TRIO: variants seen among roughly 807,000 people sequenced by gnomAD.
The protein encoded by TRIO is triple functional domain protein.
In TRIO, 58 loss-of-function variants were observed where a neutral mutation model predicts 351.9. That is an observed-to-expected ratio of 0.16 (90% CI 0.13 to 0.21). The LOEUF (loss-of-function observed/expected upper bound fraction) is 0.21. TRIO is among the 10% of genes least tolerant of loss of function. The probability of loss-of-function intolerance (pLI) is 1.00; values close to 1 mark genes in which losing one functional copy is unlikely to be tolerated. For synonymous variants in TRIO, 1,758 were observed against 1,595.7 expected, an observed-to-expected ratio of 1.10 and a Z score of -2.42; for missense variants, 3,201 against 4,027.8, an observed-to-expected ratio of 0.79 and a Z score of 5.56.
In TRIO at chr5:14,476,875, T is replaced by C. The variant is rs1579768758; in HGVS notation, c.6084-19T>C. ...GGCCACACTGGAAATAGTTCTAATA[T>C]TTTCTCCTTTCTTTCCAGCTTTTTT... On this transcript the variant is annotated intron_variant, in intron 40 of 56. Coordinates refer to ENST00000344204, the MANE Select transcript of TRIO (RefSeq NM_007118.4). 3 of 1,605,792 alleles carry C rather than the reference T, an allele frequency of 1.9e-6. No homozygotes were observed. Among genetic ancestry groups the C allele is most frequent in the East Asian group, 4.5e-5 (2 of 44,834 alleles).
intron 1 of TRIO, among the ~76,000 whole-genome samples, chr5:14,243,601 T>TA (rs939921628): frequency 3.3e-5 from 5 of 151,474 alleles, no homozygotes; most frequent in Non-Finnish European, 7.4e-5. Context: ...TATTCTGGAC[T>TA]AAAAAAAAAT....
chr5:14,394,691 G>A (rs1245466113), intron 28 of TRIO, among the ~76,000 whole-genome samples: 1 of 152,186 alleles, frequency 6.6e-6, no homozygotes, highest in Admixed American at 6.5e-5. Context: ...TGTCCATACA[G>A]ACCGCAAGTA....
chr5:14,183,816 T>C lies in TRIO; in HGVS notation c.157+39934T>C, dbSNP rs1581297790. Reference sequence around the variant, plus strand: ...ACTGCCCATTTGGGATATCTAGAGGTTGTTTGTTGGTGTTCTGGGATCCTG... The same window carrying C: ...ACTGCCCATTTGGGATATCTAGAGGCTGTTTGTTGGTGTTCTGGGATCCTG... On this transcript the variant is annotated intron_variant, in intron 1 of 56. Coordinates refer to ENST00000344204, the MANE Select transcript of TRIO (RefSeq NM_007118.4). The C allele has an allele frequency of 9.6e-6, 6 of 625,600 alleles. No individual in the cohort carries two copies. The East Asian group carries it at 1.8e-4, about 19-fold the overall frequency. The allele number at this position is 625,600 out of a possible 1,614,324, so 38.8% of individuals were successfully genotyped here. A position where few individuals can be genotyped will look rare whatever the true frequency, so the allele number is the denominator to read the frequency against.
At chr5:14,165,384 GTTAA>G (rs1197789528) in intron 1 of TRIO, among the ~76,000 whole-genome samples, 1 of 152,140 alleles carries the variant, frequency 6.6e-6, no homozygotes, top group East Asian at 1.9e-4. Context: ...CTGTTCCTGT[GTTAA>G]TTAAGATTAT....
chr5:14,340,870 C>T (rs1441311521), intron 11 of TRIO, among the ~76,000 whole-genome samples: 2 of 152,156 alleles, frequency 1.3e-5, no homozygotes, highest in African/African-American at 4.8e-5. Flanking sequence ...TATTTTCTAC[C>T]TCGAGGTAGA....
At chr5:14,407,358 C>T (rs989770586) in intron 33 of TRIO, among the ~76,000 whole-genome samples, 1 of 152,178 alleles carries the variant, frequency 6.6e-6, no homozygotes, top group Admixed American at 6.5e-5. Flanking sequence ...TTAAGCAGGT[C>T]TTATATGGCT....
At chr5:14,296,256 GA>G (rs2152289245) in intron 6 of TRIO, among the ~76,000 whole-genome samples, 1 of 152,118 alleles carries the variant, frequency 6.6e-6, no homozygotes, top group African/African-American at 2.4e-5. Flanking sequence ...TGGTAACAGT[GA>G]AAAAAATAAA....
Position 14,401,019 on chromosome 5 carries a change from G to A in TRIO, c.4671G>A (p.Leu1557=). The stretch of plus-strand genomic sequence containing the variant: ...AAGGAGACCCTTGCAAATTTGCACT[G>A]TGGGTGGGGAGAACACCAACTTCAG... ...HVEGDPCKFA[L]WVGRTPTSDN... Residue 1557 remains leucine, a synonymous_variant, in exon 31 of 57, where the codon CTG becomes CTA. Coordinates refer to ENST00000344204, the MANE Select transcript of TRIO (RefSeq NM_007118.4). The A allele has an allele frequency of 6.2e-7, 1 of 1,614,124 alleles. No homozygotes were observed. The highest frequency in any genetic ancestry group is 1.1e-5 in the South Asian group (1 of 91,056).
intron 1 of TRIO, chr5:14,184,101 G>C: frequency 1.7e-6 from 1 of 603,414 alleles, no homozygotes; most frequent in Non-Finnish European, 3.0e-6. Context: ...GACAGAGAAT[G>C]TTGTGTGTTT....
intron 1 of TRIO, among the ~76,000 whole-genome samples, chr5:14,205,023 GCT>G (rs1194197393): frequency 6.6e-6 from 1 of 152,154 alleles, no homozygotes; most frequent in African/African-American, 2.4e-5. Flanking sequence ...TCTTTTTCCT[GCT>G]CTCTGTTTCC....
intron 1 of TRIO, among the ~76,000 whole-genome samples, chr5:14,262,933 C>G (rs190468087): frequency 1.8e-4 from 27 of 152,214 alleles, no homozygotes; most frequent in Non-Finnish European, 3.7e-4. Context: ...ACCTATCAGT[C>G]AAAACCCACT....
At chr5:14,207,559 G>GACACACAC (rs1554033526) in intron 1 of TRIO, among the ~76,000 whole-genome samples, 4 of 94,588 alleles carry the variant, frequency 4.2e-5, no homozygotes, top group East Asian at 3.6e-4. Flanking sequence ...CACACACACG[G>GACACACAC]AGCCAGGTGT....
chr5:14,162,331 G>A (rs1788514006), intron 1 of TRIO, among the ~76,000 whole-genome samples: 1 of 152,316 alleles, frequency 6.6e-6, no homozygotes, highest in African/African-American at 2.4e-5. Flanking sequence ...ATATTGTGTA[G>A]TGTTGAAGGA....
At chr5:14,337,613 G>A (rs1468310357) in intron 11 of TRIO, among the ~76,000 whole-genome samples, 2 of 152,176 alleles carry the variant, frequency 1.3e-5, no homozygotes, top group African/African-American at 2.4e-5. Context: ...TAGGACTACT[G>A]GGGAAAGAGG....
intron 1 of TRIO, among the ~76,000 whole-genome samples, chr5:14,245,788 A>G (rs1794403922): frequency 6.6e-6 from 1 of 152,264 alleles, no homozygotes; most frequent in South Asian, 2.1e-4. Flanking sequence ...GATCCAGAAT[A>G]GCTGGTGACC....
At chr5:14,245,214 T>G (rs1330550046) in intron 1 of TRIO, among the ~76,000 whole-genome samples, 2 of 152,216 alleles carry the variant, frequency 1.3e-5, no homozygotes, top group Non-Finnish European at 2.9e-5. Context: ...GTATTTAAAT[T>G]AGGTTATTGT....
At chr5:14,474,570 T>G (rs1754911266) in intron 40 of TRIO, among the ~76,000 whole-genome samples, 2 of 152,228 alleles carry the variant, frequency 1.3e-5, no homozygotes, top group African/African-American at 4.8e-5. Flanking sequence ...AGAATAAGCT[T>G]CAAGTATTTC....
intron 1 of TRIO, among the ~76,000 whole-genome samples, chr5:14,222,626 C>T (rs919336087): frequency 1.4e-4 from 21 of 152,246 alleles, no homozygotes; most frequent in African/African-American, 4.3e-4. Context: ...ATCTTTGGGG[C>T]GGGGCTTTGG....
chr5:14,238,789 CTTGG>C (rs1793944705), intron 1 of TRIO, among the ~76,000 whole-genome samples: 1 of 152,196 alleles, frequency 6.6e-6, no homozygotes, highest in Non-Finnish European at 1.5e-5. Context: ...ATGTTTTCCA[CTTGG>C]TCTTAAAGAG....
Sources: allele counts gnomAD v4.1 joint callset (sites outside exome capture counted in the v4.1 genomes callset), GRCh38; gene constraint gnomAD v4.1.1; transcripts MANE v1.5; gene names NCBI Gene and HGNC (gene_info 2026-07-23, HGNC 2026-07-21).